OSBPL8: variants seen among roughly 807,000 people sequenced by gnomAD.
The protein encoded by OSBPL8 is oxysterol-binding protein-related protein 8.
OSBPL8 carries 59 observed loss-of-function variants against 125.5 expected under a neutral mutation model. That is an observed-to-expected ratio of 0.47 (90% CI 0.38 to 0.58). OSBPL8 has a LOEUF of 0.58. OSBPL8 is among the 20% of genes least tolerant of loss of function. The pLI is 0.00. For synonymous variants in OSBPL8, 330 were observed against 338.9 expected, an observed-to-expected ratio of 0.97 and a Z score of 0.29; for missense variants, 758 against 1,047.8, an observed-to-expected ratio of 0.72 and a Z score of 3.82.
chr12:76,480,167 C>CAAAAAAAAAAAAAAAAAAAAAAAAAAAAA, intron 2 of OSBPL8, among the ~76,000 whole-genome samples: 1 of 56,386 alleles, frequency 1.8e-5, no homozygotes. Flanking sequence ...AACTCCATCT[C>CAAAAAAAAAAAAAAAAAAAAAAAAAAAAA]AAAAAAAAAA....
intron 4 of OSBPL8, among the ~76,000 whole-genome samples, chr12:76,439,301 C>T (rs945560615): frequency 1.3e-5 from 2 of 152,090 alleles, no homozygotes; most frequent in African/African-American, 2.4e-5. Flanking sequence ...ATCGCTTGAA[C>T]CCAGGAGGCG....
chr12:76,486,581 G>A (rs994021963), intron 2 of OSBPL8, among the ~76,000 whole-genome samples: 4 of 152,012 alleles, frequency 2.6e-5, no homozygotes, highest in Admixed American at 2.0e-4. Flanking sequence ...TGTACAGTGA[G>A]AAAAAAATGA....
chr12:76,460,314 C>T (rs559730816), intron 2 of OSBPL8, among the ~76,000 whole-genome samples: 14 of 152,158 alleles, frequency 9.2e-5, no homozygotes, highest in African/African-American at 3.1e-4. Flanking sequence ...ATATAACACC[C>T]ATGCACTATT....
chr12:76,426,036 A>C (rs1383385166), intron 4 of OSBPL8, among the ~76,000 whole-genome samples: 1 of 152,174 alleles, frequency 6.6e-6, no homozygotes, highest in Admixed American at 6.6e-5. Flanking sequence ...CAGGAGGCCA[A>C]TGGCCTGAGG....
intron 2 of OSBPL8, among the ~76,000 whole-genome samples, chr12:76,461,167 T>C (rs1299015245): frequency 6.6e-6 from 1 of 152,138 alleles, no homozygotes; most frequent in Non-Finnish European, 1.5e-5. Flanking sequence ...GAATTACTGA[T>C]GTAAGCCACC....
intron 1 of OSBPL8, among the ~76,000 whole-genome samples, chr12:76,508,425 C>T (rs1358916682): frequency 6.6e-6 from 1 of 152,096 alleles, no homozygotes; most frequent in Non-Finnish European, 1.5e-5. Context: ...TTCCCATTGC[C>T]TAGTGACATC....
intron 1 of OSBPL8, among the ~76,000 whole-genome samples, chr12:76,505,196 G>GC (rs1455478670): frequency 4.6e-5 from 7 of 152,124 alleles, no homozygotes; most frequent in African/African-American, 1.7e-4. Flanking sequence ...TGGGCAGCTG[G>GC]CAAGAAGAAC....
At chr12:76,430,931 T>C (rs1439001148) in intron 4 of OSBPL8, among the ~76,000 whole-genome samples, 1 of 152,136 alleles carries the variant, frequency 6.6e-6, no homozygotes, top group African/African-American at 2.4e-5. Context: ...TATGAAAGTA[T>C]AAATCTGAAT....
intron 4 of OSBPL8, among the ~76,000 whole-genome samples, chr12:76,415,198 C>T (rs532959028): frequency 1.3e-4 from 20 of 151,902 alleles, no homozygotes; most frequent in African/African-American, 4.6e-4. Context: ...CGGTATCTAC[C>T]TGAATCCGGA....
intron 1 of OSBPL8, among the ~76,000 whole-genome samples, chr12:76,541,393 G>A (rs1215827771): frequency 2.0e-5 from 3 of 151,932 alleles, no homozygotes; most frequent in East Asian, 1.9e-4. Flanking sequence ...CACAAGAATC[G>A]CTTGAACCCA....
At chr12:76,547,167 C>T (rs1487577056) in intron 1 of OSBPL8, among the ~76,000 whole-genome samples, 1 of 152,104 alleles carries the variant, frequency 6.6e-6, no homozygotes, top group Non-Finnish European at 1.5e-5. Flanking sequence ...GAAAGAACTT[C>T]AAAATCTTAT....
At chr12:76,393,636 G>A (rs573654116) in intron 9 of OSBPL8, among the ~76,000 whole-genome samples, 4 of 149,900 alleles carry the variant, frequency 2.7e-5, no homozygotes, top group Admixed American at 6.7e-5. Flanking sequence ...GCGTGAACCC[G>A]GGAGACGGAG....
intron 1 of OSBPL8, among the ~76,000 whole-genome samples, chr12:76,537,570 A>C (rs1950532553): frequency 1.3e-5 from 2 of 152,196 alleles, no homozygotes; most frequent in South Asian, 4.1e-4. Flanking sequence ...AGAGAAATCT[A>C]CAGAAATGTA....
rs3038514 is a variant in OSBPL8 at position 76,380,528 on chromosome 12, C to CAAAAAA, written c.1631-1984_1631-1979dup. 1.1e-3 allele frequency among the ~76,000 whole-genome samples: 95 copies of CAAAAAA among 88,972 alleles called. 1 individual carries two copies. The highest frequency in any genetic ancestry group is 8.1e-3 in the Middle Eastern group (1 of 124). The allele number at this position is 88,972 out of a possible 152,430, so 58.4% of individuals were successfully genotyped here. A position where few individuals can be genotyped will look rare whatever the true frequency, so the allele number is the denominator to read the frequency against. On this transcript the variant is annotated intron_variant, in intron 15 of 23. Transcript: ENST00000261183. ...CCAGCAACATAGTGAGACACTGTCC[C>CAAAAAA]AAAAAAAAAAAAAAAAAAACCCTCT...
intron 4 of OSBPL8, among the ~76,000 whole-genome samples, chr12:76,417,101 T>A (rs1868781569): frequency 6.6e-6 from 1 of 152,192 alleles, no homozygotes; most frequent in Admixed American, 6.5e-5. Flanking sequence ...TCTTCTTAAC[T>A]CCAAAAGACA....
intron 2 of OSBPL8, among the ~76,000 whole-genome samples, chr12:76,485,130 C>T (rs1446321169): frequency 6.6e-6 from 1 of 151,966 alleles, no homozygotes; most frequent in South Asian, 2.1e-4. Flanking sequence ...ATCATGCTGG[C>T]CAGGCTGGTC....
chr12:76,425,495 T>C (rs1287197767), intron 4 of OSBPL8, among the ~76,000 whole-genome samples: 1 of 152,172 alleles, frequency 6.6e-6, no homozygotes, highest in Non-Finnish European at 1.5e-5. Context: ...TACCAAAATG[T>C]GATAAATCAA....
At chr12:76,558,779 G>C (rs1046356346) in intron 1 of OSBPL8, among the ~76,000 whole-genome samples, 5 of 152,232 alleles carry the variant, frequency 3.3e-5, no homozygotes, top group African/African-American at 1.2e-4. Flanking sequence ...TGAACCTAAA[G>C]CATGCTGCCT....
intron 1 of OSBPL8, among the ~76,000 whole-genome samples, chr12:76,543,866 C>T (rs550305646): frequency 2.2e-4 from 34 of 152,260 alleles, no homozygotes; most frequent in African/African-American, 8.2e-4. Flanking sequence ...CTAGGGATAA[C>T]CACAAATTAC....
Sources: gnomAD v4.1 joint callset for allele counts (sites outside exome capture counted in the v4.1 genomes callset) on GRCh38, gnomAD v4.1.1 for gene constraint, MANE v1.5 for transcripts, NCBI Gene and HGNC (gene_info 2026-07-23, HGNC 2026-07-21) for gene names.